IGF2R: variants seen among roughly 807,000 people sequenced by gnomAD.
IGF2R encodes cation-independent mannose-6-phosphate receptor.
In IGF2R, 91 loss-of-function variants were observed where a neutral mutation model predicts 270.6. The ratio of observed to expected loss-of-function variants is 0.34; its 90% CI spans 0.28 to 0.40. The LOEUF is 0.40. IGF2R is among the 10% of genes least tolerant of loss of function. The pLI, the probability that IGF2R is intolerant of heterozygous loss-of-function variation, is 1.00. For missense variants in IGF2R, 2,805 were observed against 3,188.3 expected (o/e 0.88, Z 2.90); for synonymous variants, 1,316 against 1,258.9 (o/e 1.05, Z -0.96).
In IGF2R at chr6:160,029,662, G is replaced by T; in HGVS notation, c.882+7G>T. ...CCCGTCGGAGCGGAGAGAGGTAAGT[G>T]ACTCGTCTCCTGATCACTAATGTGG... is the stretch of plus-strand genomic sequence containing the variant. On this transcript the variant is annotated splice_region_variant and intron_variant, in intron 7 of 47. Transcript: ENST00000356956. 6.3e-7 allele frequency: 1 copy of T among 1,591,466 alleles called. No individual in the cohort carries two copies. Among genetic ancestry groups the T allele is most frequent in the Middle Eastern group, 1.7e-4 (1 of 6,018 alleles).
intron 19 of IGF2R, 69 bp from the exon 20 acceptor site, chr6:160,056,355 G>A (rs1422621425): frequency 6.6e-6 from 7 of 1,063,854 alleles, no homozygotes; most frequent in Admixed American, 3.4e-5. Context: ...TGTCTCAGGC[G>A]AGTATTCTTT....
At chr6:160,060,291 G>A (rs1423847241) in intron 22 of IGF2R, among the ~76,000 whole-genome samples, 1 of 152,268 alleles carries the variant, frequency 6.6e-6, no homozygotes, top group Non-Finnish European at 1.5e-5. Context: ...CCGTTGCAGT[G>A]TGTAAACCTG....
At chr6:160,051,889 G>A (rs996329768) in intron 19 of IGF2R, among the ~76,000 whole-genome samples, 1 of 152,074 alleles carries the variant, frequency 6.6e-6, no homozygotes, top group Non-Finnish European at 1.5e-5. Context: ...TTGAGCCCAG[G>A]AGGTTGAGGA....
At position 160,046,562 on chromosome 6, in the gene IGF2R, G is replaced by A. The variant is rs1778073327; in HGVS notation, c.1968G>A (p.Lys656=). ...KNGAYKVETK[K]YDFYINVCGP... is the part of the protein sequence containing the mutation. ...GTGCCTATAAAGTTGAGACAAAGAA[G>A]TATGACTTTTATATAAATGTGTGTG... is the stretch of plus-strand genomic sequence containing the variant. The change falls in exon 15 of 48, where the codon AAG becomes AAA. Residue 656 remains lysine, a synonymous_variant. Coordinates refer to ENST00000356956, the MANE Select transcript of IGF2R (RefSeq NM_000876.4). 1.9e-6 allele frequency: 3 copies of A among 1,613,938 alleles called. No homozygotes were observed. In the African/African-American group the frequency reaches 4.0e-5, roughly 22 times the overall value.
At chr6:160,066,912 C>T (rs752236440) in intron 29 of IGF2R, among the ~76,000 whole-genome samples, 30 of 152,222 alleles carry the variant, frequency 2.0e-4, no homozygotes, top group Non-Finnish European at 2.2e-4. Flanking sequence ...TTTGGGCACT[C>T]CTCCTCTCGT....
intron 29 of IGF2R, among the ~76,000 whole-genome samples, chr6:160,065,814 GTATA>G (rs59035193): frequency 0.019 from 1,523 of 78,344 alleles, 30 homozygotes; most frequent in South Asian, 0.097. Flanking sequence ...GTGTGTGTGT[GTATA>G]TATATATATA....
chr6:160,104,647 G>T, intron 47 of IGF2R, 27 bp from the exon 48 acceptor site: 1 of 1,595,306 alleles, frequency 6.3e-7, no homozygotes, highest in Non-Finnish European at 8.5e-7. Context: ...GGGGGCTCAC[G>T]TGGTCTCTGC....
Position 160,082,863 on chromosome 6 carries a change from G to A in IGF2R, c.5834-1087G>A, listed in dbSNP as rs181940105. On this transcript the variant is annotated intron_variant, in intron 39 of 47. Transcript: ENST00000356956. ...CAGCATGGGGAAGGCGTGCAGGAACGTGCCCTGGTGCAGGCCTTGGTCTGA... is the reference window on the plus strand; with the variant it reads ...CAGCATGGGGAAGGCGTGCAGGAACATGCCCTGGTGCAGGCCTTGGTCTGA... 4.6e-3 allele frequency among the ~76,000 whole-genome samples: 699 copies of A among 152,304 alleles called. 3 individuals carry two copies. The highest frequency in any genetic ancestry group is 0.014 in the African/African-American group (601 of 41,572).
Position 159,997,747 on chromosome 6 carries a change from T to C in IGF2R, c.289+6424T>C, listed in dbSNP as rs1475660453. On this transcript the variant is annotated intron_variant, in intron 2 of 47. Coordinates refer to ENST00000356956, the MANE Select transcript of IGF2R (RefSeq NM_000876.4). ...GATACTCCATTCTGGCGACGGTTGC[T>C]CACCTGTAACTTGGGTTCTTCTGAG... is the stretch of plus-strand genomic sequence containing the variant. Among the ~76,000 whole-genome samples, 2 of 152,226 alleles carry C rather than the reference T, an allele frequency of 1.3e-5. 1 individual carries two copies. Among genetic ancestry groups the C allele is most frequent in the Non-Finnish European group, 2.9e-5 (2 of 68,038 alleles).
chr6:160,032,476 T>G, intron 7 of IGF2R, 75 bp from the exon 8 acceptor site: 1 of 1,397,118 alleles, frequency 7.2e-7, no homozygotes, highest in Non-Finnish European at 9.9e-7. Flanking sequence ...TTTGAGCTTT[T>G]CATAAGTGTG....
intron 39 of IGF2R, among the ~76,000 whole-genome samples, chr6:160,083,527 C>T (rs905803405): frequency 3.3e-5 from 5 of 152,238 alleles, no homozygotes; most frequent in Admixed American, 6.5e-5. Flanking sequence ...AGGTCTTTCT[C>T]ATCCCACGAG....
intron 2 of IGF2R, among the ~76,000 whole-genome samples, chr6:160,001,826 T>C (rs1232690402): frequency 6.6e-6 from 1 of 152,220 alleles, no homozygotes; most frequent in African/African-American, 2.4e-5. Flanking sequence ...TTTGGTCCCA[T>C]TTGCAACCTA....
chr6:160,047,962 A>G lies in IGF2R; in HGVS notation c.2345+55A>G, dbSNP rs1229975963. On this transcript the variant is annotated intron_variant, in intron 17 of 47. Transcript: ENST00000356956. ...GCCTGGTACAGATGCTGAGGTTGCA[A>G]GTGTTGCTGGTGAGCGTGTGACTGA... 9.5e-6 allele frequency: 11 copies of G among 1,157,610 alleles called. No homozygotes were observed. The South Asian group carries it at 1.1e-4, about 12-fold the overall frequency. 71.7% of individuals were successfully genotyped at this position (1,157,610 alleles called of 1,614,324 possible). A position where few individuals can be genotyped will look rare whatever the true frequency, so the allele number is the denominator to read the frequency against.
At position 160,073,757 on chromosome 6, in the gene IGF2R, A is replaced by G; in HGVS notation, c.4948A>G (p.Thr1650Ala). ...WHTPLACEQA[T>A]ECSVRNGSSI... ...CAAAGCAGTCTTTCCTACTTAACAG[A>G]CCGAATGTTCCGTGAGGAATGGAAG... The change falls in exon 35 of 48, where the codon ACC becomes GCC. Residue 1650 changes from threonine to alanine, a missense_variant and splice_region_variant. Physicochemically the swap from Thr to Ala is moderately conservative, Grantham distance 58. Transcript: ENST00000356956. 1 of 1,613,556 alleles carries G rather than the reference A, an allele frequency of 6.2e-7. No individual in the cohort carries two copies. The highest frequency in any genetic ancestry group is 8.5e-7 in the Non-Finnish European group (1 of 1,179,498).
chr6:160,022,594 A>T (rs913573222), intron 4 of IGF2R, among the ~76,000 whole-genome samples: 1 of 152,220 alleles, frequency 6.6e-6, no homozygotes, highest in Non-Finnish European at 1.5e-5. Context: ...ATATAGAACA[A>T]ATATTTACTG....
In IGF2R at chr6:160,050,710, C is replaced by A; in HGVS notation, c.2694+58C>A. 6.8e-7 allele frequency: 1 copy of A among 1,460,696 alleles called. No homozygotes were observed. The highest frequency in any genetic ancestry group is 9.3e-7 in the Non-Finnish European group (1 of 1,074,668). The allele number at this position is 1,460,696 out of a possible 1,614,324, so 90.5% of individuals were successfully genotyped here. ...TGCTGCATTTTTTGACTGAGCGTTG[C>A]CTTATGTGTCTCTTAACAGCAGCAG... is the stretch of plus-strand genomic sequence containing the variant. On this transcript the variant is annotated intron_variant, in intron 19 of 47. Transcript: ENST00000356956. This position sits in a 1 kb window ranked among gnomAD's most constrained non-coding sequence, Gnocchi z 4.0.
intron 37 of IGF2R, 129 bp downstream of exon 37, chr6:160,078,491 T>C: frequency 2.4e-6 from 2 of 840,128 alleles, no homozygotes; most frequent in Non-Finnish European, 3.8e-6. Flanking sequence ...CTGGGCAGCA[T>C]CTTGGTGCTC....
Position 160,085,073 on chromosome 6 carries a change from C to T in IGF2R, c.6147C>T (p.Thr2049=). Residue 2049 remains threonine, a synonymous_variant, in exon 41 of 48, where the codon ACC becomes ACT. Coordinates refer to ENST00000356956, the MANE Select transcript of IGF2R (RefSeq NM_000876.4). Reference sequence around the variant, plus strand: ...AAAGGGCCAGCATTTGCAGAAGGACCACAACTGGTGACGTCCAGGTCCTGG... The same window carrying T: ...AAAGGGCCAGCATTTGCAGAAGGACTACAACTGGTGACGTCCAGGTCCTGG... ...CSERASICRR[T]TTGDVQVLGL... is the part of the protein sequence containing the mutation. 1 of 1,614,060 alleles carries T rather than the reference C, an allele frequency of 6.2e-7. No individual in the cohort carries two copies. Among genetic ancestry groups the T allele is most frequent in the South Asian group, 1.1e-5 (1 of 91,072 alleles).
chr6:160,093,869 A>G (rs1779287272), intron 44 of IGF2R: 1 of 726,806 alleles, frequency 1.4e-6, no homozygotes, highest in South Asian at 1.4e-5. Flanking sequence ...GCTGGGCAGT[A>G]TCGCAGACAG....
Sources: gnomAD v4.1 joint callset for allele counts (sites outside exome capture counted in the v4.1 genomes callset) on GRCh38, gnomAD v4.1.1 for gene constraint, Gnocchi (gnomAD v3.1) non-coding constraint, MANE v1.5 for transcripts, NCBI Gene and HGNC (gene_info 2026-07-23, HGNC 2026-07-21) for gene names.